ENOX1: variants seen among roughly 807,000 people sequenced by gnomAD.
ENOX1 encodes candidate growth-related and time keeping constitutive hydroquinone (NADH) oxidase.
In ENOX1, 42 loss-of-function variants were observed where a neutral mutation model predicts 82.5. The observed-to-expected ratio is 0.51, with a 90% CI of 0.40 to 0.66. ENOX1 has a LOEUF of 0.66. Ranked by LOEUF, ENOX1 falls within the 30% of genes least tolerant of loss-of-function variation. The probability of loss-of-function intolerance (pLI) is 0.00; values close to 1 mark genes in which losing one functional copy is unlikely to be tolerated. For missense variants in ENOX1, 608 were observed against 811.6 expected, an observed-to-expected ratio of 0.75 and a Z score of 3.05; for synonymous variants, 271 against 282.2, an observed-to-expected ratio of 0.96 and a Z score of 0.40.
intron 1 of ENOX1, among the ~76,000 whole-genome samples, chr13:43,751,360 A>T (rs1036483593): frequency 1.3e-5 from 2 of 152,186 alleles, no homozygotes; most frequent in African/African-American, 2.4e-5. Flanking sequence ...CTGGGTTTTT[A>T]AAAATAGGTT....
chr13:43,324,517 A>G (rs2047997971), intron 10 of ENOX1, among the ~76,000 whole-genome samples: 1 of 152,212 alleles, frequency 6.6e-6, no homozygotes, highest in Admixed American at 6.5e-5. Context: ...CTTATACGCA[A>G]CTGAGAAATC....
At chr13:43,716,734 A>G (rs1196688986) in intron 1 of ENOX1, among the ~76,000 whole-genome samples, 3 of 152,074 alleles carry the variant, frequency 2.0e-5, no homozygotes, top group African/African-American at 7.2e-5. Context: ...CTATACAGCT[A>G]TAACATTCTA....
chr13:43,785,741 A>T (rs1000655412), intron 1 of ENOX1, among the ~76,000 whole-genome samples: 7 of 152,222 alleles, frequency 4.6e-5, no homozygotes, highest in African/African-American at 1.7e-4. Flanking sequence ...GATGACAACC[A>T]CAACACTCCA....
intron 3 of ENOX1, among the ~76,000 whole-genome samples, chr13:43,454,060 G>A (rs536601452): frequency 4.3e-4 from 65 of 152,228 alleles, no homozygotes; most frequent in African/African-American, 1.5e-3. Context: ...TATTTGGGGT[G>A]TGGGAGCATT....
intron 2 of ENOX1, among the ~76,000 whole-genome samples, chr13:43,597,399 C>T (rs1594023648): frequency 6.6e-6 from 1 of 152,184 alleles, no homozygotes; most frequent in East Asian, 1.9e-4. Flanking sequence ...ACCAAAACAT[C>T]AGGTCTGACT....
At chr13:43,548,538 A>C (rs1483511936) in intron 2 of ENOX1, among the ~76,000 whole-genome samples, 1 of 152,178 alleles carries the variant, frequency 6.6e-6, no homozygotes, top group African/African-American at 2.4e-5. Context: ...GGACTTCCAG[A>C]TTTACGTTAC....
At position 43,606,261 on chromosome 13, in the gene ENOX1, A is replaced by C. The variant is rs148840678; in HGVS notation, c.-219+61218T>G. On this transcript the variant is annotated intron_variant, in intron 2 of 16. Transcript: ENST00000690772. ...GGAGAACAATTTGGGGGCTCCTCAAAAAACTAAAAATAGAACTACCATACG... is the reference window on the plus strand; with the variant it reads ...GGAGAACAATTTGGGGGCTCCTCAACAAACTAAAAATAGAACTACCATACG... Among the ~76,000 whole-genome samples the C allele has an allele frequency of 4.4e-3, 676 of 152,298 alleles. 5 individuals are homozygous for C. Among genetic ancestry groups the C allele is most frequent in the African/African-American group, 0.015 (625 of 41,570 alleles).
intron 1 of ENOX1, among the ~76,000 whole-genome samples, chr13:43,779,047 C>T (rs1952088031): frequency 6.6e-6 from 1 of 152,100 alleles, no homozygotes; most frequent in African/African-American, 2.4e-5. Context: ...CTCCATGTCC[C>T]CAACTCCTCC....
intron 11 of ENOX1, among the ~76,000 whole-genome samples, chr13:43,299,040 G>A (rs1000574862): frequency 6.6e-6 from 1 of 152,176 alleles, no homozygotes; most frequent in African/African-American, 2.4e-5. Flanking sequence ...CTGCTCTACT[G>A]CTGGGACAAA....
intron 2 of ENOX1, among the ~76,000 whole-genome samples, chr13:43,510,211 C>T (rs2077316226): frequency 1.3e-5 from 2 of 152,176 alleles, no homozygotes; most frequent in Admixed American, 1.3e-4. Context: ...TGAGATTTTA[C>T]AGGCCTTCTA....
At chr13:43,409,381 A>C (rs1296572242) in intron 5 of ENOX1, among the ~76,000 whole-genome samples, 2 of 152,196 alleles carry the variant, frequency 1.3e-5, no homozygotes, top group African/African-American at 4.8e-5. Flanking sequence ...AAAAATGTCC[A>C]CTGCAATGTT....
intron 2 of ENOX1, among the ~76,000 whole-genome samples, chr13:43,520,750 G>C (rs1183596499): frequency 6.6e-6 from 1 of 152,148 alleles, no homozygotes; most frequent in Non-Finnish European, 1.5e-5. Flanking sequence ...TTAAGGTCAG[G>C]AAAGTGGCAG....
chr13:43,765,330 CAT>C (rs1000184784), intron 1 of ENOX1, among the ~76,000 whole-genome samples: 4 of 152,184 alleles, frequency 2.6e-5, no homozygotes, highest in African/African-American at 4.8e-5. Flanking sequence ...GTACTCTCCA[CAT>C]GTTCTCAACA....
At chr13:43,708,245 G>A (rs905952513) in intron 1 of ENOX1, among the ~76,000 whole-genome samples, 3 of 152,164 alleles carry the variant, frequency 2.0e-5, no homozygotes, top group Admixed American at 6.5e-5. Context: ...ACTTCAATAA[G>A]CACATTGGGC....
chr13:43,468,458 G>A (rs1013735126), intron 3 of ENOX1, among the ~76,000 whole-genome samples: 2 of 152,140 alleles, frequency 1.3e-5, no homozygotes, highest in South Asian at 2.1e-4. Context: ...TGGGATTACA[G>A]GTGTGGGTCA....
At chr13:43,700,874 G>T (rs2086872254) in intron 1 of ENOX1, among the ~76,000 whole-genome samples, 1 of 152,094 alleles carries the variant, frequency 6.6e-6, no homozygotes, top group Non-Finnish European at 1.5e-5. Context: ...GATTGTGAAA[G>T]TCACCCAACT....
intron 5 of ENOX1, among the ~76,000 whole-genome samples, chr13:43,382,361 T>G (rs951392003): frequency 6.6e-6 from 1 of 152,188 alleles, no homozygotes; most frequent in Admixed American, 6.5e-5. Flanking sequence ...GTAAAGGTTA[T>G]GTACTTTAAA....
At chr13:43,322,997 G>T (rs937708637) in intron 10 of ENOX1, among the ~76,000 whole-genome samples, 6 of 152,208 alleles carry the variant, frequency 3.9e-5, no homozygotes, top group Non-Finnish European at 1.5e-5. Context: ...ATTAAAAATA[G>T]TTTTGAGGAT....
intron 5 of ENOX1, among the ~76,000 whole-genome samples, chr13:43,397,564 C>CTT (rs2053232475): frequency 6.6e-6 from 1 of 152,180 alleles, no homozygotes; most frequent in Non-Finnish European, 1.5e-5. Context: ...CCCTTGTGGT[C>CTT]AGAAAGACTT....
Sources: allele counts gnomAD v4.1 joint callset (sites outside exome capture counted in the v4.1 genomes callset), GRCh38; gene constraint gnomAD v4.1.1; transcripts MANE v1.5; gene names NCBI Gene and HGNC (gene_info 2026-07-23, HGNC 2026-07-21).